The following OVCH2 variants were observed in gnomAD, a reference collection of about 807,000 sequenced individuals.
The protein encoded by OVCH2 is ovochymase 2, also known as ovochymase-2.
Under a neutral mutation model 73.7 loss-of-function variants are expected in OVCH2, and 88 were observed. That is an observed-to-expected ratio of 1.19 (90% CI 1.01 to 1.43). OVCH2 has a LOEUF of 1.43. OVCH2 is among the 40% of genes most tolerant of loss of function. OVCH2 has a pLI of 0.00. For synonymous variants in OVCH2, 265 were observed against 234.5 expected, an observed-to-expected ratio of 1.13 and a Z score of -1.19; for missense variants, 706 against 674.5, an observed-to-expected ratio of 1.05 and a Z score of -0.52.
chr11:7,685,935 G>A (rs765320119), downstream of OVCH2, among the ~76,000 whole-genome samples: 10 of 152,114 alleles, frequency 6.6e-5, no homozygotes, highest in South Asian at 4.2e-4. Flanking sequence ...TTTTAGGAGC[G>A]GAAAACAGAT....
In OVCH2 at chr11:7,702,258, G is replaced by T. The variant is rs78783572; in HGVS notation, c.362C>A (p.Thr121Asn). ...DLSQTDPGEQTLTIETVIIHP... is the reference protein window; with the variant it reads ...DLSQTDPGEQNLTIETVIIHP... ...TATGATGACAGTTTCAATAGTGAGA[G>T]TTTGCTCTCCTGGGTCTGTCTGGCT... The change falls in exon 4 of 16, where the codon ACT becomes AAT. Residue 121 changes from threonine (T) to asparagine (N), a missense_variant. Thr to Asn is a moderately conservative substitution (Grantham distance 65). Coordinates refer to ENST00000533663, the MANE Select transcript of OVCH2 (RefSeq NM_198185.7). The T allele has an allele frequency of 8.1e-5, 131 of 1,612,664 alleles. 1 individual carries two copies. The East Asian group carries it at 2.5e-3, about 31-fold the overall frequency.
chr11:7,700,599 A>G (rs576152086), intron 6 of OVCH2, 114 bp from the exon 7 acceptor site: 1 of 1,195,992 alleles, frequency 8.4e-7, no homozygotes, highest in African/African-American at 1.5e-5. Context: ...CTCACTTCTA[A>G]TAATTTAGAC....
At chr11:7,688,066 C>A (rs922491781), downstream of OVCH2, among the ~76,000 whole-genome samples, 1 of 152,170 alleles carries the variant, frequency 6.6e-6, no homozygotes, top group South Asian at 2.1e-4. Flanking sequence ...CGCAAACATT[C>A]AGTCCACAGC....
At chr11:7,680,514 G>C in the OVCH2 span, among the ~76,000 whole-genome samples, 1 of 152,176 alleles carries the variant, frequency 6.6e-6, no homozygotes, top group Non-Finnish European at 1.5e-5. Flanking sequence ...AGTCACAGTA[G>C]AAGAGAGTCA....
Position 7,696,634 on chromosome 11 carries a change from G to A in OVCH2, c.1017-45C>T, listed in dbSNP as rs375191998. 63 of 1,613,796 alleles carry A rather than the reference G, an allele frequency of 3.9e-5. 1 individual carries two copies. In the East Asian group the frequency reaches 8.5e-4, roughly 22 times the overall value. On this transcript the variant is annotated intron_variant, in intron 9 of 15. Transcript: ENST00000533663. ...AGGGCGTTATTTCTAGACAGAAAAC[G>A]ACTATCACAGTCCAATTGGTGGGCC...
chr11:7,694,103 C>T lies in OVCH2; in HGVS notation c.1413+955G>A, dbSNP rs552783076. Among the ~76,000 whole-genome samples the T allele has an allele frequency of 2.9e-4, 44 of 152,270 alleles. 1 individual carries two copies. In the South Asian group the frequency reaches 8.9e-3, roughly 31 times the overall value. Reference sequence around the variant, plus strand: ...GCTGGTGTCTCATCATCCCTCACTCCTCTCCCCTTTATTTTCTGCTCTCTT... The same window carrying T: ...GCTGGTGTCTCATCATCCCTCACTCTTCTCCCCTTTATTTTCTGCTCTCTT... On this transcript the variant is annotated intron_variant, in intron 12 of 15. Coordinates refer to ENST00000533663, the MANE Select transcript of OVCH2 (RefSeq NM_198185.7).
chr11:7,688,437 G>A (rs374998668), downstream of OVCH2, among the ~76,000 whole-genome samples: 2 of 151,994 alleles, frequency 1.3e-5, no homozygotes, highest in Admixed American at 1.3e-4. Flanking sequence ...TGTACCCCCT[G>A]GTGGCCGAGA....
chr11:7,689,721 T>TTAGGGC, intron 15 of OVCH2, 119 bp from the exon 16 acceptor site: 1 of 656,606 alleles, frequency 1.5e-6, no homozygotes, highest in Non-Finnish European at 2.8e-6. Flanking sequence ...TCATACTGGA[T>TTAGGGC]TAGGGCCCAG....
At chr11:7,681,372 A>G in the OVCH2 span, among the ~76,000 whole-genome samples, 3 of 152,212 alleles carry the variant, frequency 2.0e-5, no homozygotes, top group Admixed American at 6.5e-5. Flanking sequence ...ACCATTACTT[A>G]TGCAACATAA....
intron 3 of OVCH2, among the ~76,000 whole-genome samples, chr11:7,702,638 G>T (rs983399119): frequency 6.6e-6 from 1 of 152,142 alleles, no homozygotes; most frequent in Admixed American, 6.5e-5. Flanking sequence ...ACAGCTATAG[G>T]GGACTTTATT....
rs767988812 is a variant in OVCH2 at position 7,701,843 on chromosome 11, A to C, written c.464-32T>G. ...AAAAGAGCAAGGTAGGGCTTGTCTCATTCATGGAGGAGAGGACACTATAAG... is the reference window on the plus strand; with the variant it reads ...AAAAGAGCAAGGTAGGGCTTGTCTCCTTCATGGAGGAGAGGACACTATAAG... On this transcript the variant is annotated intron_variant, in intron 4 of 15. Coordinates refer to ENST00000533663, the MANE Select transcript of OVCH2 (RefSeq NM_198185.7). 140 of 1,556,676 alleles carry C rather than the reference A, an allele frequency of 9.0e-5. No homozygotes were observed. In the East Asian group the frequency reaches 9.8e-4, roughly 11 times the overall value.
At chr11:7,701,212 C>A in intron 6 of OVCH2, 112 bp downstream of exon 6, 1 of 1,334,112 alleles carries the variant, frequency 7.5e-7, no homozygotes, top group South Asian at 1.6e-5. Flanking sequence ...TTCTACCCCT[C>A]CAATATGCTT....
chr11:7,679,903 T>C, the OVCH2 span, among the ~76,000 whole-genome samples: 1 of 152,206 alleles, frequency 6.6e-6, no homozygotes, highest in Non-Finnish European at 1.5e-5. Flanking sequence ...AGCTTCTGGA[T>C]AGCTGAACAC....
the OVCH2 span, among the ~76,000 whole-genome samples, chr11:7,682,101 C>A: frequency 6.6e-6 from 1 of 152,188 alleles, no homozygotes; most frequent in African/African-American, 2.4e-5. Flanking sequence ...CTAAAACCTT[C>A]ATTTTCATAG....
intron 10 of OVCH2, 98 bp from the exon 11 acceptor site, chr11:7,695,808 T>C: frequency 1.4e-6 from 2 of 1,478,262 alleles, no homozygotes; most frequent in Non-Finnish European, 1.8e-6. Context: ...TATTTCAGGA[T>C]TGTCCAATCC....
Position 7,701,402 on chromosome 11 carries a change from C to T in OVCH2, c.633G>A (p.Leu211=). ...ILTWEECVAA[L]LTLKRPISGK... is the part of the protein sequence containing the mutation. ...CACTGATGGGCCTCTTTAGTGTTAACAGAGCTGCCACACACTCTTCCCAGG... is the reference window on the plus strand; with the variant it reads ...CACTGATGGGCCTCTTTAGTGTTAATAGAGCTGCCACACACTCTTCCCAGG... Residue 211 remains leucine, a synonymous_variant, in exon 6 of 16, where the codon CTG becomes CTA. Coordinates refer to ENST00000533663, the MANE Select transcript of OVCH2 (RefSeq NM_198185.7). 1.9e-6 allele frequency: 3 copies of T among 1,612,924 alleles called. No individual in the cohort carries two copies. Among genetic ancestry groups the T allele is most frequent in the Middle Eastern group, 1.6e-4 (1 of 6,062 alleles).
At chr11:7,680,162 G>A in the OVCH2 span, among the ~76,000 whole-genome samples, 2 of 152,212 alleles carry the variant, frequency 1.3e-5, no homozygotes, top group Non-Finnish European at 2.9e-5. Context: ...CAGAAATTCT[G>A]GAAGCCCAGC....
downstream of OVCH2, among the ~76,000 whole-genome samples, chr11:7,686,677 A>G (rs1856144928): frequency 6.6e-6 from 1 of 152,240 alleles, no homozygotes; most frequent in South Asian, 2.1e-4. Flanking sequence ...TCCTGAAACT[A>G]AGAAAGGAGA....
chr11:7,697,305 T>C (rs1371518179), intron 8 of OVCH2, among the ~76,000 whole-genome samples: 1 of 152,190 alleles, frequency 6.6e-6, no homozygotes, highest in Non-Finnish European at 1.5e-5. Context: ...GCCTCCCAAA[T>C]TGCTGTGATT....
Sources: allele counts gnomAD v4.1 joint callset (sites outside exome capture counted in the v4.1 genomes callset), GRCh38; gene constraint gnomAD v4.1.1; transcripts MANE v1.5; gene names NCBI Gene and HGNC (gene_info 2026-07-23, HGNC 2026-07-21).